ELAVL4: variants seen among roughly 807,000 people sequenced by gnomAD.
The protein encoded by ELAVL4 is ELAV like RNA binding protein 4.
Under a neutral mutation model 35.6 loss-of-function variants are expected in ELAVL4, and 1 was observed. That is an observed-to-expected ratio of 0.03 (90% confidence interval 0.01 to 0.13). The LOEUF is 0.13. Among genes scored for constraint, ELAVL4 ranks in the 10% least tolerant of loss-of-function variants. The pLI is 1.00. For missense variants in ELAVL4, 267 were observed against 464.9 expected, an observed-to-expected ratio of 0.57 and a Z score of 3.91; for synonymous variants, 156 against 171.0, an observed-to-expected ratio of 0.91 and a Z score of 0.69.
At chr1:50,097,549 T>C (rs899609480) in intron 1 of ELAVL4, among the ~76,000 whole-genome samples, 1 of 152,218 alleles carries the variant, frequency 6.6e-6, no homozygotes, top group African/African-American at 2.4e-5. Flanking sequence ...ATAGAATTAC[T>C]AGTAGCAGAG....
At chr1:50,080,305 G>T (rs1324663011) in intron 1 of ELAVL4, among the ~76,000 whole-genome samples, 2 of 152,116 alleles carry the variant, frequency 1.3e-5, no homozygotes, top group Non-Finnish European at 2.9e-5. Flanking sequence ...CAGGAAAAAT[G>T]AATGTTCTAA....
chr1:50,184,048 C>T (rs1681454339), intron 3 of ELAVL4, among the ~76,000 whole-genome samples: 1 of 152,194 alleles, frequency 6.6e-6, no homozygotes, highest in Admixed American at 6.5e-5. Context: ...CAGCAGAAAC[C>T]AGAGACACGT....
chr1:50,076,387 A>G (rs775974268), intron 1 of ELAVL4, among the ~76,000 whole-genome samples: 32 of 152,230 alleles, frequency 2.1e-4, no homozygotes, highest in Non-Finnish European at 3.2e-4. Context: ...ATATACTGTT[A>G]TAGTTGTTCT....
At chr1:50,095,780 T>C (rs904218726) in intron 1 of ELAVL4, among the ~76,000 whole-genome samples, 4 of 152,122 alleles carry the variant, frequency 2.6e-5, no homozygotes, top group African/African-American at 4.8e-5. Context: ...GAAGCACAAA[T>C]TCAGGGGGCA....
chr1:50,090,045 A>G (rs1665421239), intron 1 of ELAVL4, among the ~76,000 whole-genome samples: 1 of 152,220 alleles, frequency 6.6e-6, no homozygotes, highest in African/African-American at 2.4e-5. Context: ...TTTGGGCATC[A>G]GAGAGTTGGG....
At chr1:50,109,539 A>C in intron 1 of ELAVL4, 1 of 339,322 alleles carries the variant, frequency 2.9e-6, no homozygotes, top group Non-Finnish European at 5.4e-6. Context: ...TGTAAGGGAG[A>C]GGGGGTTTGT....
intron 3 of ELAVL4, chr1:50,179,601 T>G (rs1680694018): frequency 6.6e-6 from 1 of 152,236 alleles, no homozygotes; most frequent in African/African-American, 2.4e-5. Flanking sequence ...TCTATCTCTT[T>G]GCTCTGACTC....
intron 1 of ELAVL4, among the ~76,000 whole-genome samples, chr1:50,094,742 C>CAATAAACAAATA (rs1665643092): frequency 7.4e-6 from 1 of 135,522 alleles, no homozygotes; most frequent in African/African-American, 2.8e-5. Context: ...CCTGTCTCTA[C>CAATAAACAAATA]AATAAATAAA....
chr1:50,149,413 A>C (rs2148707935), intron 2 of ELAVL4, among the ~76,000 whole-genome samples: 1 of 152,114 alleles, frequency 6.6e-6, no homozygotes, highest in South Asian at 2.1e-4. Context: ...AAAAGAAAAA[A>C]GAAATCAGTG....
chr1:50,099,495 G>T (rs963121559), upstream of ELAVL4, among the ~76,000 whole-genome samples: 1 of 149,914 alleles, frequency 6.7e-6, no homozygotes, highest in Non-Finnish European at 1.5e-5. Context: ...GGAAGGCAGA[G>T]GTTGCAGTGA....
intron 1 of ELAVL4, among the ~76,000 whole-genome samples, chr1:50,089,278 G>A (rs781262830): frequency 2.6e-5 from 4 of 152,186 alleles, no homozygotes; most frequent in Admixed American, 6.5e-5. Flanking sequence ...GTAACCTAAT[G>A]CAGATTCTTA....
intron 1 of ELAVL4, among the ~76,000 whole-genome samples, chr1:50,081,351 G>C (rs1302385691): frequency 6.6e-6 from 1 of 152,218 alleles, no homozygotes; most frequent in Non-Finnish European, 1.5e-5. Context: ...AGCACATGGA[G>C]ACAGGCCACA....
At chr1:50,082,435 G>C (rs565294433) in intron 1 of ELAVL4, among the ~76,000 whole-genome samples, 2 of 152,292 alleles carry the variant, frequency 1.3e-5, no homozygotes, top group South Asian at 4.1e-4. Flanking sequence ...GACCAGTGAT[G>C]CCTTTTTTCA....
upstream of ELAVL4, among the ~76,000 whole-genome samples, chr1:50,106,745 G>T (rs147439112): frequency 1.6e-3 from 248 of 152,216 alleles, 3 homozygotes; most frequent in South Asian, 0.021. Flanking sequence ...TGAGGATTCT[G>T]TTGAAAGACT....
intron 1 of ELAVL4, among the ~76,000 whole-genome samples, chr1:50,122,382 G>A (rs1669178824): frequency 6.6e-6 from 1 of 152,084 alleles, no homozygotes; most frequent in Admixed American, 6.6e-5. Flanking sequence ...CTTCAGAAGT[G>A]TTAAGAAAAG....
At chr1:50,049,168 G>C (rs1478932202) in intron 1 of ELAVL4, among the ~76,000 whole-genome samples, 2 of 152,286 alleles carry the variant, frequency 1.3e-5, no homozygotes, top group East Asian at 1.9e-4. Context: ...TAAATACAGG[G>C]CTCCACAACA....
chr1:50,124,267 T>C (rs942728673), intron 1 of ELAVL4, among the ~76,000 whole-genome samples: 1 of 152,100 alleles, frequency 6.6e-6, no homozygotes, highest in Admixed American at 6.6e-5. Flanking sequence ...AATTCTTCTT[T>C]CCTCTAGACT....
intron 1 of ELAVL4, chr1:50,109,809 CA>C: frequency 9.3e-7 from 1 of 1,080,684 alleles, no homozygotes; most frequent in Non-Finnish European, 1.4e-6. Context: ...GTATGTGTAG[CA>C]GTGCCTGGCG....
intron 5 of ELAVL4, among the ~76,000 whole-genome samples, chr1:50,196,507 A>G (rs1335064161): frequency 6.6e-6 from 1 of 152,212 alleles, no homozygotes; most frequent in Admixed American, 6.5e-5. Flanking sequence ...ATTCTAAACA[A>G]TTACTTTATT....
Sources: allele counts gnomAD v4.1 joint callset (sites outside exome capture counted in the v4.1 genomes callset), GRCh38; gene constraint gnomAD v4.1.1; transcripts MANE v1.5; gene names NCBI Gene and HGNC (gene_info 2026-07-23, HGNC 2026-07-21).